The following DPYD variants were observed in gnomAD, a reference collection of about 807,000 sequenced individuals.
DPYD encodes dihydropyrimidine dehydrogenase [NADP(+)].
A neutral mutation model predicts 116.2 loss-of-function variants in DPYD; 109 were observed. That is an observed-to-expected ratio of 0.94 (90% confidence interval 0.80 to 1.10). The LOEUF (loss-of-function observed/expected upper bound fraction) is 1.10. DPYD is among the 50% of genes least tolerant of loss of function. DPYD has a pLI of 0.00. For missense variants in DPYD, 1,302 were observed against 1,254.5 expected, an observed-to-expected ratio of 1.04 and a Z score of -0.57; for synonymous variants, 440 against 432.0, an observed-to-expected ratio of 1.02 and a Z score of -0.23.
chr1:97,428,788 T>TG (rs1209358322), intron 14 of DPYD, among the ~76,000 whole-genome samples: 1 of 151,818 alleles, frequency 6.6e-6, no homozygotes, highest in Non-Finnish European at 1.5e-5. Flanking sequence ...TCTTTTTTTT[T>TG]TGAGCATGTG....
intron 3 of DPYD, among the ~76,000 whole-genome samples, chr1:97,806,416 GCA>G (rs1374017743): frequency 1.3e-5 from 2 of 151,848 alleles, no homozygotes; most frequent in African/African-American, 2.4e-5. Context: ...ATGATGTTGA[GCA>G]CACTCTCAGG....
At chr1:97,429,194 T>C (rs1164102221) in intron 14 of DPYD, among the ~76,000 whole-genome samples, 5 of 152,056 alleles carry the variant, frequency 3.3e-5, no homozygotes, top group Non-Finnish European at 7.4e-5. Flanking sequence ...TCTTGGTAAA[T>C]CTGAGTTAAT....
intron 20 of DPYD, among the ~76,000 whole-genome samples, chr1:97,188,655 G>T (rs926750647): frequency 3.3e-5 from 5 of 152,126 alleles, no homozygotes; most frequent in African/African-American, 1.2e-4. Flanking sequence ...AAGGAAGAGG[G>T]TCATAGACAG....
At chr1:97,905,422 T>C (rs921974043) in intron 1 of DPYD, among the ~76,000 whole-genome samples, 7 of 151,890 alleles carry the variant, frequency 4.6e-5, no homozygotes, top group African/African-American at 1.7e-4. Flanking sequence ...AGTGAATCAG[T>C]TTTATAACAC....
At chr1:97,304,011 G>A (rs1667018593) in intron 18 of DPYD, among the ~76,000 whole-genome samples, 1 of 151,966 alleles carries the variant, frequency 6.6e-6, no homozygotes, top group Non-Finnish European at 1.5e-5. Context: ...GTTATAGTAT[G>A]GGAGAATATT....
Position 97,115,475 on chromosome 1 carries a change from G to A in DPYD, c.2623-16843C>T, listed in dbSNP as rs140447839. Among the ~76,000 whole-genome samples, 449 of 152,304 alleles carry A rather than the reference G, an allele frequency of 2.9e-3. 2 individuals carry two copies. Among genetic ancestry groups the A allele is most frequent in the African/African-American group, 0.01 (421 of 41,566 alleles). ...CGTTTAGAAGAATTAAAAGGTGCATGTAAAATGCTTCCATAATATATTTTT... is the reference window on the plus strand; with the variant it reads ...CGTTTAGAAGAATTAAAAGGTGCATATAAAATGCTTCCATAATATATTTTT... On this transcript the variant is annotated intron_variant, in intron 20 of 22. Coordinates refer to ENST00000370192, the MANE Select transcript of DPYD (RefSeq NM_000110.4).
chr1:97,593,280 C>T lies in DPYD; in HGVS notation c.1066G>A (p.Ala356Thr), dbSNP rs1357753702. Residue 356 changes from alanine (A) to threonine (T), a missense_variant, in exon 10 of 23, where the codon GCT becomes ACT. Coordinates refer to ENST00000370192, the MANE Select transcript of DPYD (RefSeq NM_000110.4). ...CTGAAGACGATGAACACACGGCGAG[C>T]TCCACAACGTAGAGCAGATGTTGCA... ...DCATSALRCG[A>T]RRVFIVFRKG... 1 of 1,614,130 alleles carries T rather than the reference C, an allele frequency of 6.2e-7. No homozygotes were observed. The highest frequency in any genetic ancestry group is 1.1e-5 in the South Asian group (1 of 91,078).
At chr1:97,470,789 G>C (rs1403337512) in intron 13 of DPYD, among the ~76,000 whole-genome samples, 1 of 152,174 alleles carries the variant, frequency 6.6e-6, no homozygotes, top group South Asian at 2.1e-4. Context: ...CCTGAGGTCA[G>C]GAGTTCGAGA....
At chr1:97,413,901 G>A (rs1384973444) in intron 14 of DPYD, among the ~76,000 whole-genome samples, 2 of 151,724 alleles carry the variant, frequency 1.3e-5, no homozygotes, top group African/African-American at 4.8e-5. Flanking sequence ...CCAAGCCAGA[G>A]AGATTTATGC....
intron 3 of DPYD, among the ~76,000 whole-genome samples, chr1:97,819,591 T>G (rs181652746): frequency 1.3e-5 from 2 of 152,076 alleles, no homozygotes; most frequent in Non-Finnish European, 2.9e-5. Flanking sequence ...AAGTATTTTG[T>G]TAATACTTTC....
chr1:97,156,945 T>C (rs1203669173), intron 20 of DPYD, among the ~76,000 whole-genome samples: 1 of 151,542 alleles, frequency 6.6e-6, no homozygotes, highest in African/African-American at 2.4e-5. Flanking sequence ...CCATAAAAAA[T>C]GATGAGTTCA....
chr1:97,079,237 G>C, intron 22 of DPYD, 91 bp from the exon 23 acceptor site: 1 of 1,373,844 alleles, frequency 7.3e-7, no homozygotes, highest in Admixed American at 1.7e-5. Context: ...CTGCTGCAGA[G>C]GAGCCACACT....
At chr1:97,323,496 TATCATATGTAC>T (rs376606619) in intron 16 of DPYD, among the ~76,000 whole-genome samples, 1,472 of 87,754 alleles carry the variant, frequency 0.017, no homozygotes, top group South Asian at 0.036. Flanking sequence ...TATATATACA[TATCATATGTAC>T]ATATGTGTAT....
intron 19 of DPYD, among the ~76,000 whole-genome samples, chr1:97,195,915 C>T (rs1302583929): frequency 1.3e-5 from 2 of 151,154 alleles, no homozygotes; most frequent in East Asian, 2.0e-4. Flanking sequence ...GGCAATATAC[C>T]GGATAACATT....
chr1:97,119,205 G>C (rs1221748816), intron 20 of DPYD, among the ~76,000 whole-genome samples: 2 of 152,168 alleles, frequency 1.3e-5, no homozygotes, highest in Non-Finnish European at 2.9e-5. Flanking sequence ...TGAACATTGA[G>C]AAGTGAATTT....
At chr1:97,887,958 T>C (rs1023772754) in intron 1 of DPYD, among the ~76,000 whole-genome samples, 6 of 152,058 alleles carry the variant, frequency 3.9e-5, no homozygotes, top group African/African-American at 1.4e-4. Flanking sequence ...CCTTCTGCCA[T>C]GATTGTAAGT....
chr1:97,371,608 A>G (rs891797318), intron 16 of DPYD, among the ~76,000 whole-genome samples: 1 of 152,220 alleles, frequency 6.6e-6, no homozygotes, highest in Admixed American at 6.5e-5. Context: ...GTCACAGAAA[A>G]GCATTTTTTA....
At chr1:97,270,355 C>T (rs577591755) in intron 18 of DPYD, among the ~76,000 whole-genome samples, 1 of 152,278 alleles carries the variant, frequency 6.6e-6, no homozygotes, top group Admixed American at 6.5e-5. Context: ...AATCTGTGTT[C>T]TTGCAATATC....
intron 19 of DPYD, among the ~76,000 whole-genome samples, chr1:97,223,379 A>T (rs1004868215): frequency 2.7e-4 from 32 of 119,084 alleles, no homozygotes; most frequent in African/African-American, 9.5e-4. Context: ...CGCAGAAAAG[A>T]TAGAATTAAA....
Sources: gnomAD v4.1 joint callset for allele counts (sites outside exome capture counted in the v4.1 genomes callset) on GRCh38, gnomAD v4.1.1 for gene constraint, MANE v1.5 for transcripts, NCBI Gene and HGNC (gene_info 2026-07-23, HGNC 2026-07-21) for gene names.